Variants in PI4KA observed in about 807,000 individuals in gnomAD.
PI4KA encodes PI4-kinase alpha.
A neutral mutation model predicts 271.4 loss-of-function variants in PI4KA; 122 were observed. The observed-to-expected ratio is 0.45, with a 90% CI of 0.39 to 0.52. The LOEUF (loss-of-function observed/expected upper bound fraction) is 0.52. PI4KA is among the 20% of genes least tolerant of loss of function. The probability of loss-of-function intolerance (pLI) is 0.00; values close to 1 mark genes in which losing one functional copy is unlikely to be tolerated. For synonymous variants in PI4KA, 1,041 were observed against 1,078.8 expected, an observed-to-expected ratio of 0.96 and a Z score of 0.69; for missense variants, 1,969 against 2,769.1, an observed-to-expected ratio of 0.71 and a Z score of 6.48.
intron 2 of PI4KA, among the ~76,000 whole-genome samples, chr22:20,837,706 A>G (rs948264704): frequency 6.6e-6 from 1 of 152,238 alleles, no homozygotes; most frequent in Non-Finnish European, 1.5e-5. Context: ...ATATCCAATG[A>G]TCAATCATTT....
rs144327793 is a variant in PI4KA, at chr22:20,718,814, C to T, written c.5125G>A (p.Gly1709Ser). The change falls in exon 44 of 55, where the codon GGC becomes AGC. Residue 1709 changes from glycine (G) to serine (S), a missense_variant. This residue lies in a region of PI4KA where 388 missense variants were observed against 521.5 expected (regional missense o/e 0.74). Coordinates refer to ENST00000255882, the MANE Select transcript of PI4KA (RefSeq NM_058004.4). ...TCTACCAACTGATCCAGGAGGTCGC[C>T]GATGTCAGCTGCCAAGGAAGCAAAG... ...EEGHQKDPDI[G>S]DLLDQLVEEI... is the part of the protein sequence containing the mutation. The T allele has an allele frequency of 1.1e-5, 18 of 1,613,662 alleles. No homozygotes were observed. The highest frequency in any genetic ancestry group is 3.3e-5 in the Admixed American group (2 of 59,954).
intron 29 of PI4KA, among the ~76,000 whole-genome samples, chr22:20,745,898 A>G (rs562407512): frequency 3.5e-4 from 53 of 152,002 alleles, no homozygotes; most frequent in African/African-American, 1.2e-3. Context: ...TCACTGCCCA[A>G]TGCGATCTCG....
chr22:20,835,830 C>T (rs1222255281), intron 2 of PI4KA, among the ~76,000 whole-genome samples: 1 of 151,994 alleles, frequency 6.6e-6, no homozygotes, highest in Non-Finnish European at 1.5e-5. Context: ...AGGCGGATCA[C>T]GAGGTCAGGA....
chr22:20,766,535 G>A (rs1422194779), intron 19 of PI4KA, among the ~76,000 whole-genome samples: 1 of 152,130 alleles, frequency 6.6e-6, no homozygotes, highest in Non-Finnish European at 1.5e-5. Context: ...CGTGGTGGCA[G>A]GCACCTGTAA....
At chr22:20,810,849 GA>G (rs1189548713) in intron 9 of PI4KA, 117 bp downstream of exon 9, 1 of 792,050 alleles carries the variant, frequency 1.3e-6, no homozygotes, top group African/African-American at 1.7e-5. Context: ...CATGAACAAG[GA>G]AAGTGAAAAC....
In PI4KA at chr22:20,711,508, G is replaced by T. The variant is rs549457612; in HGVS notation, c.5803-47C>A. ...CTCAAAAAGGCCCTGGGGCCTGTGGGCATTCTCCCTGGTCCCACACCCAGG... is the reference window on the plus strand; with the variant it reads ...CTCAAAAAGGCCCTGGGGCCTGTGGTCATTCTCCCTGGTCCCACACCCAGG... On this transcript the variant is annotated intron_variant, in intron 50 of 54. Transcript: ENST00000255882. 4.4e-6 allele frequency: 5 copies of T among 1,130,628 alleles called. No individual in the cohort carries two copies. The South Asian group carries it at 5.4e-5, about 12-fold the overall frequency. The allele number at this position is 1,130,628 out of a possible 1,614,324, so 70.0% of individuals were successfully genotyped here.
At chr22:20,801,766 C>T (rs1935345140) in intron 14 of PI4KA, among the ~76,000 whole-genome samples, 2 of 150,188 alleles carry the variant, frequency 1.3e-5, no homozygotes, top group Admixed American at 1.3e-4. Flanking sequence ...CGCCTGTAAT[C>T]CCAGCTACTC....
chr22:20,755,425 T>C (rs1400856412), intron 23 of PI4KA, among the ~76,000 whole-genome samples: 2 of 152,142 alleles, frequency 1.3e-5, no homozygotes, highest in African/African-American at 4.8e-5. Context: ...CTGGTTCCTT[T>C]TATTGGAGAA....
chr22:20,768,615 A>T (rs1932743239), intron 19 of PI4KA, among the ~76,000 whole-genome samples: 1 of 152,148 alleles, frequency 6.6e-6, no homozygotes, highest in South Asian at 2.1e-4. Flanking sequence ...TTCCTTTTAC[A>T]ATCAAAGGGA....
chr22:20,780,051 G>A lies in PI4KA; in HGVS notation c.2328+13142C>T, dbSNP rs1297371941. On this transcript the variant is annotated intron_variant, in intron 19 of 54. Coordinates refer to ENST00000255882, the MANE Select transcript of PI4KA (RefSeq NM_058004.4). ...TAAAGTAAGAGAGTATTACTTTGCTGAGGCCCAGATAGCTGACTTCTCAGA... is the reference window on the plus strand; with the variant it reads ...TAAAGTAAGAGAGTATTACTTTGCTAAGGCCCAGATAGCTGACTTCTCAGA... The A allele has an allele frequency of 1.2e-6, 2 of 1,614,078 alleles. No homozygotes were observed. Among genetic ancestry groups the A allele is most frequent in the East Asian group, 2.2e-5 (1 of 44,874 alleles).
chr22:20,815,864 G>A (rs188619258), intron 7 of PI4KA, among the ~76,000 whole-genome samples: 7 of 152,248 alleles, frequency 4.6e-5, no homozygotes, highest in Admixed American at 1.3e-4. Context: ...GGACACAGAT[G>A]ATGGCAAACG....
Position 20,747,611 on chromosome 22 carries a change from C to A in PI4KA, c.3335G>T (p.Gly1112Val), listed in dbSNP as rs748533855. The A allele has an allele frequency of 4.3e-6, 7 of 1,614,050 alleles. No individual in the cohort carries two copies. In the Admixed American group the frequency reaches 6.7e-5, roughly 15 times the overall value. ...MATESILHFA[G>V]YNKQNTTLGA... is the part of the protein sequence containing the mutation. ...AAGAGTTGTGTTCTGCTTGTTGTAG[C>A]CAGCAAAGTGAAGGATGCTCTCAGT... The change falls in exon 29 of 55, where the codon GGC becomes GTC. Residue 1112 changes from glycine (G) to valine (V), a missense_variant. Physicochemically the swap from Gly to Val is moderately radical, Grantham distance 109. Transcript: ENST00000255882.
At chr22:20,801,908 T>C (rs1935355192) in intron 14 of PI4KA, 65 bp downstream of exon 14, 6 of 1,563,834 alleles carry the variant, frequency 3.8e-6, no homozygotes, top group Non-Finnish European at 5.3e-6. Context: ...TAAATGTCTC[T>C]TATTTTGTAA....
chr22:20,797,888 C>T (rs1396169247), intron 17 of PI4KA, among the ~76,000 whole-genome samples: 1 of 152,110 alleles, frequency 6.6e-6, no homozygotes, highest in African/African-American at 2.4e-5. Flanking sequence ...CCCTCCCCAC[C>T]CTCCTGTCCT....
At chr22:20,754,653 T>C (rs948277155) in intron 23 of PI4KA, among the ~76,000 whole-genome samples, 2 of 152,176 alleles carry the variant, frequency 1.3e-5, no homozygotes, top group African/African-American at 4.8e-5. Context: ...TTCTTTCTAC[T>C]TTTTAAAAAA....
intron 3 of PI4KA, among the ~76,000 whole-genome samples, chr22:20,829,474 T>TTAG (rs1923873107): frequency 6.6e-6 from 1 of 151,346 alleles, no homozygotes; most frequent in South Asian, 2.1e-4. Context: ...TTGGGTTTTT[T>TTAG]TATTATTATT....
chr22:20,779,856 C>T, intron 19 of PI4KA: 1 of 1,614,212 alleles, frequency 6.2e-7, no homozygotes, highest in Non-Finnish European at 8.5e-7. Flanking sequence ...CTCGATTTTG[C>T]ATTTTAAAGA....
At chr22:20,798,061 G>A (rs1294686435) in intron 17 of PI4KA, among the ~76,000 whole-genome samples, 2 of 152,198 alleles carry the variant, frequency 1.3e-5, no homozygotes, top group South Asian at 2.1e-4. Context: ...GTTCAAGGAC[G>A]TTTAACGCCT....
chr22:20,766,368 A>C (rs1932524541), intron 19 of PI4KA, among the ~76,000 whole-genome samples: 1 of 152,170 alleles, frequency 6.6e-6, no homozygotes, highest in African/African-American at 2.4e-5. Flanking sequence ...TCAGTGGTAT[A>C]AATGGCTAAA....
Sources: gnomAD v4.1 joint callset for allele counts (sites outside exome capture counted in the v4.1 genomes callset) on GRCh38, gnomAD v4.1.1 for gene constraint, gnomAD v4.1.1 regional missense constraint, MANE v1.5 for transcripts, NCBI Gene and HGNC (gene_info 2026-07-23, HGNC 2026-07-21) for gene names.